KLF8: variants seen among roughly 807,000 people sequenced by gnomAD.
KLF8 encodes Krueppel-like factor 8.
In KLF8, 10 loss-of-function variants were observed where a neutral mutation model predicts 18.2. The observed-to-expected ratio is 0.55, with a 90% confidence interval of 0.34 to 0.93. KLF8 has a LOEUF of 0.93. KLF8 is among the 40% of genes least tolerant of loss of function. The pLI is 0.02. For missense variants in KLF8, 264 were observed against 277.9 expected (o/e 0.95, Z 0.36); for synonymous variants, 109 against 97.3 (o/e 1.12, Z -0.71).
chrX:56,036,311 T>C, the KLF8 span, among the ~76,000 whole-genome samples: 654 of 111,747 alleles, frequency 5.9e-3, 10 homozygotes, highest in Middle Eastern at 9.2e-3. Flanking sequence ...TATAGTTTTG[T>C]TTCTTACATT....
chrX:56,097,788 G>A, the KLF8 span, among the ~76,000 whole-genome samples: 1 of 104,004 alleles, frequency 9.6e-6, no homozygotes, highest in African/African-American at 3.5e-5. Context: ...CTAGAAAATA[G>A]AGGAGAATTT....
At chrX:56,147,131 A>G in the KLF8 span, among the ~76,000 whole-genome samples, 1 of 112,337 alleles carries the variant, frequency 8.9e-6, no homozygotes, top group African/African-American at 3.2e-5. Flanking sequence ...AATGTGGCAT[A>G]TTGCACCAGT....
At chrX:56,065,733 T>C in the KLF8 span, among the ~76,000 whole-genome samples, 1 of 112,105 alleles carries the variant, frequency 8.9e-6, no homozygotes, top group Non-Finnish European at 1.9e-5. Context: ...TTTATGTTGT[T>C]GGTTGGGTAG....
chrX:56,079,806 G>T, the KLF8 span, among the ~76,000 whole-genome samples: 4 of 110,211 alleles, frequency 3.6e-5, no homozygotes, highest in Non-Finnish European at 1.9e-5. Context: ...GGTCACTCAG[G>T]ACTTGCTTTA....
At chrX:56,157,934 C>A in the KLF8 span, among the ~76,000 whole-genome samples, 1 of 111,802 alleles carries the variant, frequency 8.9e-6, no homozygotes, top group Non-Finnish European at 1.9e-5. Context: ...GTTGCCATTG[C>A]TTTTGGTGTT....
chrX:56,218,234 T>A, the KLF8 span, among the ~76,000 whole-genome samples: 1 of 110,634 alleles, frequency 9.0e-6, no homozygotes, highest in Non-Finnish European at 1.9e-5. Context: ...ATAAAGTATG[T>A]AAACTCACCC....
chrX:56,137,187 G>T, the KLF8 span, among the ~76,000 whole-genome samples: 6 of 109,887 alleles, frequency 5.5e-5, no homozygotes, highest in African/African-American at 1.3e-4. Context: ...CATTGTGGAA[G>T]TCAGTGTGGT....
At chrX:56,275,057 A>T (rs1158473230) in intron 5 of KLF8, among the ~76,000 whole-genome samples, 5 of 111,012 alleles carry the variant, frequency 4.5e-5, no homozygotes, top group African/African-American at 1.6e-4. Context: ...TAATATTTTG[A>T]TAGAGATTGC....
the KLF8 span, among the ~76,000 whole-genome samples, chrX:56,178,477 CTT>C: frequency 8.9e-6 from 1 of 112,097 alleles, no homozygotes; most frequent in Non-Finnish European, 1.9e-5. Context: ...TGCAGAAACT[CTT>C]TAGTTTAATT....
At chrX:56,187,241 A>G in the KLF8 span, among the ~76,000 whole-genome samples, 1 of 111,958 alleles carries the variant, frequency 8.9e-6, no homozygotes. Flanking sequence ...AATACTATAA[A>G]CACCTCTACG....
At chrX:56,129,661 A>T in the KLF8 span, among the ~76,000 whole-genome samples, 1 of 111,448 alleles carries the variant, frequency 9.0e-6, no homozygotes. Context: ...CCAAACGTGA[A>T]GTCTCCCGGC....
At chrX:56,010,291 G>C in the KLF8 span, among the ~76,000 whole-genome samples, 13 of 111,996 alleles carry the variant, frequency 1.2e-4, no homozygotes, top group African/African-American at 3.9e-4. Flanking sequence ...AGCCAGAAGA[G>C]ATTGGGGGCC....
chrX:56,234,913 A>G (rs2066454674), intron 1 of KLF8, among the ~76,000 whole-genome samples: 1 of 111,768 alleles, frequency 8.9e-6, no homozygotes, highest in Admixed American at 9.5e-5. Flanking sequence ...TAACCTCAAA[A>G]GTAAAAATGA....
chrX:55,973,183 T>A, the KLF8 span, among the ~76,000 whole-genome samples: 2 of 112,049 alleles, frequency 1.8e-5, no homozygotes, highest in South Asian at 7.3e-4. Flanking sequence ...ACTCTTGTCT[T>A]TTTTCATATA....
chrX:55,964,543 C>T, the KLF8 span, among the ~76,000 whole-genome samples: 1 of 111,821 alleles, frequency 8.9e-6, no homozygotes, highest in Non-Finnish European at 1.9e-5. Context: ...TGCCACTGCA[C>T]TCCAGCCTGG....
chrX:55,989,896 A>C, the KLF8 span, among the ~76,000 whole-genome samples: 7 of 111,314 alleles, frequency 6.3e-5, no homozygotes, highest in Non-Finnish European at 1.3e-4. Context: ...TTATTGGTCT[A>C]TTCAGAGATT....
chrX:56,096,442 A>G, the KLF8 span, among the ~76,000 whole-genome samples: 189 of 111,672 alleles, frequency 1.7e-3, 2 homozygotes, highest in East Asian at 0.045. Context: ...AAATCCATGA[A>G]AATTTTAAAA....
the KLF8 span, among the ~76,000 whole-genome samples, chrX:56,108,140 A>G: frequency 2.7e-5 from 3 of 111,870 alleles, no homozygotes; most frequent in Non-Finnish European, 3.8e-5. Flanking sequence ...ACAGGATTAT[A>G]TCATCTGCAG....
chrX:55,939,094 G>A, the KLF8 span, among the ~76,000 whole-genome samples: 1 of 111,314 alleles, frequency 9.0e-6, no homozygotes, highest in South Asian at 3.8e-4. Context: ...ACCATACCAA[G>A]CCTATTCCAA....
Sources: gnomAD v4.1 joint callset for allele counts (sites outside exome capture counted in the v4.1 genomes callset) on GRCh38, gnomAD v4.1.1 for gene constraint, MANE v1.5 for transcripts, NCBI Gene and HGNC (gene_info 2026-07-23, HGNC 2026-07-21) for gene names.